Variants in VEGFC observed in about 807,000 individuals in gnomAD.
VEGFC encodes the protein vascular endothelial growth factor C.
In VEGFC, 12 loss-of-function variants were observed where a neutral mutation model predicts 46.1. The observed-to-expected ratio is 0.26, with a 90% confidence interval of 0.17 to 0.42. The LOEUF (loss-of-function observed/expected upper bound fraction) is 0.42. VEGFC is among the 10% of genes least tolerant of loss of function. The pLI, the probability that VEGFC is intolerant of heterozygous loss-of-function variation, is 1.00. For missense variants in VEGFC, 488 were observed against 529.4 expected, an observed-to-expected ratio of 0.92 and a Z score of 0.77; for synonymous variants, 232 against 195.5, an observed-to-expected ratio of 1.19 and a Z score of -1.56.
chr4:176,762,582 A>C (rs1735548767), intron 1 of VEGFC, among the ~76,000 whole-genome samples: 1 of 152,188 alleles, frequency 6.6e-6, no homozygotes, highest in African/African-American at 2.4e-5. Flanking sequence ...CACAAATCAG[A>C]CTTAAGACAT....
At chr4:176,692,185 G>C (rs111964995) in intron 4 of VEGFC, among the ~76,000 whole-genome samples, 30,191 of 146,090 alleles carry the variant, frequency 0.21, 4,821 homozygotes, top group African/African-American at 0.48. Flanking sequence ...ACGAGGTCAG[G>C]AGATCGAGAC....
chr4:176,761,703 A>G (rs1326076227), intron 1 of VEGFC, among the ~76,000 whole-genome samples: 2 of 152,196 alleles, frequency 1.3e-5, no homozygotes, highest in South Asian at 2.1e-4. Flanking sequence ...TACATTATAC[A>G]TGTGCCTATG....
At chr4:176,692,274 G>A (rs1397456480) in intron 4 of VEGFC, among the ~76,000 whole-genome samples, 2 of 134,990 alleles carry the variant, frequency 1.5e-5, no homozygotes, top group Non-Finnish European at 3.0e-5. Flanking sequence ...GGCGCCTGTA[G>A]TCCCAGCTAC....
chr4:176,770,371 AT>A (rs1226310105), intron 1 of VEGFC, among the ~76,000 whole-genome samples: 3 of 152,158 alleles, frequency 2.0e-5, no homozygotes, highest in Non-Finnish European at 2.9e-5. Context: ...TTGACAACTC[AT>A]TTCCAATGCA....
intron 4 of VEGFC, among the ~76,000 whole-genome samples, chr4:176,692,634 G>T (rs1489239543): frequency 6.9e-6 from 1 of 144,220 alleles, no homozygotes; most frequent in African/African-American, 2.8e-5. Flanking sequence ...CACAGCTCAA[G>T]GAGGCCTGCC....
At chr4:176,775,188 C>A (rs1211654586) in intron 1 of VEGFC, among the ~76,000 whole-genome samples, 1 of 152,054 alleles carries the variant, frequency 6.6e-6, no homozygotes. Flanking sequence ...AAGTATAAAA[C>A]CTTTAATCAT....
At chr4:176,778,938 C>T (rs577599301) in intron 1 of VEGFC, among the ~76,000 whole-genome samples, 4 of 152,036 alleles carry the variant, frequency 2.6e-5, no homozygotes, top group Non-Finnish European at 5.9e-5. Context: ...TTACATGTTG[C>T]CAAAGACTGG....
intron 1 of VEGFC, among the ~76,000 whole-genome samples, chr4:176,736,051 T>C (rs141147303): frequency 5.8e-4 from 88 of 151,908 alleles, no homozygotes; most frequent in Middle Eastern, 3.4e-3. Flanking sequence ...TATCTCCACC[T>C]TGAAGCCCCA....
In VEGFC at chr4:176,792,253, G is replaced by A. The variant is rs368168133; in HGVS notation, c.59C>T (p.Pro20Leu). The change falls in exon 1 of 7, where the codon CCG (proline) becomes CTG (leucine). Residue 20 changes from proline (P) to leucine (L), a missense_variant. Transcript: ENST00000618562. This position sits in a 1 kb window ranked among gnomAD's most constrained non-coding sequence, Gnocchi z 6.3. ...GGCGGCGGGCGCCTCGCGAGGACCCGGGAGCAGCGCAGCGGCGAGCAGAGA... is the reference window on the plus strand; with the variant it reads ...GGCGGCGGGCGCCTCGCGAGGACCCAGGAGCAGCGCAGCGGCGAGCAGAGA... ...ACSLLAAALL[P>L]GPREAPAAAA... 62 of 1,559,596 alleles carry A rather than the reference G, an allele frequency of 4.0e-5. No homozygotes were observed. The African/African-American group carries it at 5.9e-4, about 15-fold the overall frequency.
chr4:176,692,393 C>G (rs1734208742), intron 4 of VEGFC, among the ~76,000 whole-genome samples: 1 of 126,416 alleles, frequency 7.9e-6, no homozygotes, highest in Non-Finnish European at 1.6e-5. Flanking sequence ...GACTCCGTCT[C>G]AAAAACAAAC....
intron 1 of VEGFC, among the ~76,000 whole-genome samples, chr4:176,737,064 C>G (rs1178444797): frequency 1.3e-5 from 2 of 150,526 alleles, no homozygotes; most frequent in African/African-American, 4.8e-5. Flanking sequence ...ACACTATTTA[C>G]AAACCTGACT....
chr4:176,782,012 T>A (rs1579141566), intron 1 of VEGFC, among the ~76,000 whole-genome samples: 1 of 152,366 alleles, frequency 6.6e-6, no homozygotes, highest in East Asian at 1.9e-4. Context: ...AAGGTCTGAT[T>A]ATTTTCACAA....
intron 4 of VEGFC, among the ~76,000 whole-genome samples, chr4:176,692,466 C>G (rs1275095263): frequency 1.0e-4 from 12 of 119,616 alleles, no homozygotes; most frequent in Admixed American, 3.3e-4. Context: ...GCACCTGGCT[C>G]GAGGGTCCTA....
At chr4:176,695,345 A>T (rs1453408363) in intron 4 of VEGFC, among the ~76,000 whole-genome samples, 1 of 151,526 alleles carries the variant, frequency 6.6e-6, no homozygotes, top group Non-Finnish European at 1.5e-5. Context: ...AGAATACTAC[A>T]AACACCTCTA....
chr4:176,727,751 C>T, intron 3 of VEGFC, 27 bp downstream of exon 3: 1 of 1,584,670 alleles, frequency 6.3e-7, no homozygotes, highest in Non-Finnish European at 8.6e-7. Flanking sequence ...GGGGCTCTCG[C>T]AGGTAGCAGG....
intron 1 of VEGFC, among the ~76,000 whole-genome samples, chr4:176,781,262 T>TTGGCTC (rs1242513095): frequency 6.6e-6 from 1 of 152,174 alleles, no homozygotes; most frequent in African/African-American, 2.4e-5. Flanking sequence ...AAACTAAAAT[T>TTGGCTC]TGGCTCTGAG....
chr4:176,708,254 A>G (rs1475966687), intron 4 of VEGFC, among the ~76,000 whole-genome samples: 2 of 151,868 alleles, frequency 1.3e-5, no homozygotes, highest in Non-Finnish European at 2.9e-5. Flanking sequence ...ATATATTACA[A>G]TTTATATAAG....
At chr4:176,743,383 C>T (rs1255606476) in intron 1 of VEGFC, among the ~76,000 whole-genome samples, 1 of 151,598 alleles carries the variant, frequency 6.6e-6, no homozygotes, top group Non-Finnish European at 1.5e-5. Flanking sequence ...GAAATAATGT[C>T]CAATAAAAAT....
intron 3 of VEGFC, among the ~76,000 whole-genome samples, chr4:176,713,946 G>T (rs1408922547): frequency 1.3e-5 from 2 of 152,154 alleles, no homozygotes; most frequent in Admixed American, 6.6e-5. Flanking sequence ...CACCCGATGT[G>T]GTTCCAAGGG....
Sources: gnomAD v4.1 joint callset for allele counts (sites outside exome capture counted in the v4.1 genomes callset) on GRCh38, gnomAD v4.1.1 for gene constraint, Gnocchi (gnomAD v3.1) non-coding constraint, MANE v1.5 for transcripts, NCBI Gene and HGNC (gene_info 2026-07-23, HGNC 2026-07-21) for gene names.